SUN1: variants seen among roughly 807,000 people sequenced by gnomAD.
SUN1 encodes Sad1 and UNC84 domain containing 1, also known as SUN domain-containing protein 1.
SUN1 carries 61 observed loss-of-function variants against 103.2 expected under a neutral mutation model. The observed-to-expected ratio is 0.59, with a 90% CI of 0.48 to 0.73. The LOEUF is 0.73. SUN1 is among the 30% of genes least tolerant of loss of function. The probability of loss-of-function intolerance (pLI) is 0.00; values close to 1 mark genes in which losing one functional copy is unlikely to be tolerated. For synonymous variants in SUN1, 490 were observed against 425.7 expected, an observed-to-expected ratio of 1.15 and a Z score of -1.86; for missense variants, 1,052 against 1,034.6, an observed-to-expected ratio of 1.02 and a Z score of -0.23.
intron 10 of SUN1, 64 bp downstream of exon 10, chr7:853,682 C>G: frequency 6.5e-7 from 1 of 1,547,998 alleles, no homozygotes; most frequent in Non-Finnish European, 8.7e-7. Flanking sequence ...GCCATGTTCT[C>G]TCCTTTTGGG....
rs186828011 is a variant in SUN1 at position 856,561 on chromosome 7, G to A, written c.1394+160G>A. ...CCGACAGACACTCCTGCTGGGCTGCGTGAGGACAGAGGGGTCCTGCGGGGC... is the reference window on the plus strand; with the variant it reads ...CCGACAGACACTCCTGCTGGGCTGCATGAGGACAGAGGGGTCCTGCGGGGC... On this transcript the variant is annotated intron_variant, in intron 12 of 18. Coordinates refer to ENST00000401592, the MANE Select transcript of SUN1 (RefSeq NM_001130965.3). Among the ~76,000 whole-genome samples the A allele has an allele frequency of 5.3e-5, 8 of 152,300 alleles. No individual in the cohort carries two copies. The East Asian group carries it at 7.7e-4, about 15-fold the overall frequency.
chr7:853,254 C>G, intron 9 of SUN1, 155 bp from the exon 10 acceptor site: 3 of 893,764 alleles, frequency 3.4e-6, no homozygotes, highest in Non-Finnish European at 5.1e-6. Flanking sequence ...ATGTAAGGAT[C>G]AAACCTGATA....
intron 10 of SUN1, 80 bp downstream of exon 10, chr7:853,698 G>C (rs1412426632): frequency 5.5e-6 from 8 of 1,451,898 alleles, no homozygotes; most frequent in Non-Finnish European, 7.5e-6. Flanking sequence ...TTGGGAGACA[G>C]AGGGGACAGG....
At position 853,608 on chromosome 7, in the gene SUN1, C is replaced by T. The variant is rs543211493; in HGVS notation, c.1253C>T (p.Pro418Leu). ...SASVRDAVGQ[P>L]PRETDFMAFH... ...TCGGTCAGAGACGCTGTGGGACAGC[C>T]CCCGAGGGAGGTGGGTGCTGCCGGG... Residue 418 changes from proline (P) to leucine (L), a missense_variant, in exon 10 of 19, where the codon CCC becomes CTC. This residue lies in a region of SUN1 where 846 missense variants were observed against 774.5 expected (regional missense o/e 1.09). Coordinates refer to ENST00000401592, the MANE Select transcript of SUN1 (RefSeq NM_001130965.3). 1.2e-5 allele frequency: 19 copies of T among 1,602,324 alleles called. No individual in the cohort carries two copies. The highest frequency in any genetic ancestry group is 1.6e-5 in the Non-Finnish European group (19 of 1,179,804).
In SUN1 at chr7:852,622, A is replaced by G. The variant is rs758027769; in HGVS notation, c.865A>G (p.Ile289Val). 1.7e-5 allele frequency: 28 copies of G among 1,614,248 alleles called. 1 individual carries two copies. Among genetic ancestry groups the G allele is most frequent in the Admixed American group, 3.3e-5 (2 of 60,022 alleles). ...VFLLTRCLRN[I>V]CKFLVLLIPL... ...TGTTACTCCCAGGTGCCTTCGAAAC[A>G]TCTGCAAGTTTTTAGTCTTGCTCAT... Residue 289 changes from isoleucine to valine, a missense_variant, in exon 8 of 19, where the codon ATC (isoleucine) becomes GTC (valine). This residue lies in a region of SUN1 where 846 missense variants were observed against 774.5 expected (regional missense o/e 1.09). Coordinates refer to ENST00000401592, the MANE Select transcript of SUN1 (RefSeq NM_001130965.3).
intron 2 of SUN1, among the ~76,000 whole-genome samples, chr7:839,608 G>T (rs1807162342): frequency 8.6e-6 from 1 of 116,292 alleles, no homozygotes. Flanking sequence ...GGAGTACAGT[G>T]GTGGCGTGAT....
chr7:838,042 T>G (rs1002521547), intron 1 of SUN1, among the ~76,000 whole-genome samples: 2 of 152,230 alleles, frequency 1.3e-5, no homozygotes, highest in Non-Finnish European at 2.9e-5. Flanking sequence ...CAAAGCAGTT[T>G]GTATTAACTT....
chr7:855,276 G>A (rs746255060), intron 11 of SUN1, among the ~76,000 whole-genome samples: 8 of 152,214 alleles, frequency 5.3e-5, no homozygotes, highest in African/African-American at 1.7e-4. Flanking sequence ...GATTCCAGGC[G>A]GCCTCTGGGT....
intron 2 of SUN1, among the ~76,000 whole-genome samples, chr7:839,815 A>G (rs368704848): frequency 6.6e-6 from 1 of 151,492 alleles, no homozygotes; most frequent in Non-Finnish European, 1.5e-5. Flanking sequence ...CAGCCTCCCA[A>G]AGTGCTGCGA....
upstream of SUN1, chr7:816,118 C>G (rs1780325276): frequency 3.5e-6 from 1 of 287,564 alleles, no homozygotes; most frequent in South Asian, 2.8e-5. Flanking sequence ...GCAGACCCTT[C>G]CCCCAGATGC....
intron 16 of SUN1, among the ~76,000 whole-genome samples, chr7:866,560 G>A (rs1222855276): frequency 1.5e-4 from 6 of 39,984 alleles, no homozygotes; most frequent in Non-Finnish European, 2.3e-4. Context: ...CCATCTCCCC[G>A]TACCTTCGCC....
At chr7:835,054 A>C (rs759837582) in intron 1 of SUN1, among the ~76,000 whole-genome samples, 16 of 152,218 alleles carry the variant, frequency 1.1e-4, no homozygotes, top group Non-Finnish European at 1.6e-4. Flanking sequence ...CCAGCCTGGG[A>C]GACGGTGTGA....
At chr7:827,754 C>T (rs1326182689), upstream of SUN1, among the ~76,000 whole-genome samples, 1 of 152,080 alleles carries the variant, frequency 6.6e-6, no homozygotes, top group African/African-American at 2.4e-5. Context: ...GCGTGAGCCA[C>T]CGTGCCTGGC....
At chr7:860,515 A>C in intron 14 of SUN1, 133 bp downstream of exon 14, 1 of 1,440,044 alleles carries the variant, frequency 6.9e-7, no homozygotes, top group Admixed American at 2.2e-5. Context: ...AGCTGACGTA[A>C]GTGAGATGAG....
intron 1 of SUN1, among the ~76,000 whole-genome samples, chr7:835,152 C>T (rs1268108860): frequency 6.6e-6 from 1 of 152,220 alleles, no homozygotes; most frequent in East Asian, 1.9e-4. Context: ...GTGACAAGCC[C>T]ATTTGCCGGC....
chr7:855,258 G>T (rs1027351276), intron 11 of SUN1, among the ~76,000 whole-genome samples: 12 of 152,230 alleles, frequency 7.9e-5, no homozygotes, highest in African/African-American at 2.9e-4. Context: ...CCAGGAGGTG[G>T]TTCTGCCGAT....
At chr7:832,098 G>A, upstream of SUN1, 4 of 1,005,430 alleles carry the variant, frequency 4.0e-6, no homozygotes, top group Non-Finnish European at 4.8e-6. Flanking sequence ...CCACGCTGTA[G>A]CAGGTAGTTC....
chr7:825,134 C>T (rs1203831320), intron 1 of SUN1, among the ~76,000 whole-genome samples: 1 of 152,182 alleles, frequency 6.6e-6, no homozygotes, highest in Admixed American at 6.5e-5. Context: ...TCTCAGCTCA[C>T]TGCAAGCTCC....
intron 17 of SUN1, among the ~76,000 whole-genome samples, chr7:870,519 G>T (rs1355375979): frequency 6.6e-6 from 1 of 152,102 alleles, no homozygotes; most frequent in Non-Finnish European, 1.5e-5. Context: ...CCAGGAGGCG[G>T]TGGTCACAGT....
Sources: allele counts gnomAD v4.1 joint callset (sites outside exome capture counted in the v4.1 genomes callset), GRCh38; gene constraint gnomAD v4.1.1; regional missense constraint gnomAD v4.1.1; transcripts MANE v1.5; gene names NCBI Gene and HGNC (gene_info 2026-07-23, HGNC 2026-07-21).